LTBP1: variants seen among roughly 807,000 people sequenced by gnomAD.
The protein encoded by LTBP1 is latent-transforming growth factor beta-binding protein 1.
LTBP1 carries 129 observed loss-of-function variants against 207.6 expected under a neutral mutation model. The ratio of observed to expected loss-of-function variants is 0.62; its 90% CI spans 0.54 to 0.72. The LOEUF is 0.72. Among genes scored for constraint, LTBP1 ranks in the 30% least tolerant of loss-of-function variants. The pLI is 0.00. For missense variants in LTBP1, 2,281 were observed against 2,217.2 expected, an observed-to-expected ratio of 1.03 and a Z score of -0.58; for synonymous variants, 963 against 833.7, an observed-to-expected ratio of 1.16 and a Z score of -2.67.
intron 3 of LTBP1, among the ~76,000 whole-genome samples, chr2:33,038,512 C>T (rs1306831139): frequency 6.6e-6 from 1 of 152,184 alleles, no homozygotes; most frequent in East Asian, 1.9e-4. Context: ...GCTCTCTGGT[C>T]GTTCCTGGCC....
At chr2:33,222,271 C>A (rs535300083) in intron 9 of LTBP1, 120 bp downstream of exon 9, 1 of 717,932 alleles carries the variant, frequency 1.4e-6, no homozygotes, top group East Asian at 2.6e-5. Flanking sequence ...ACCTCATGTT[C>A]ACTCCTTTTG....
intron 2 of LTBP1, among the ~76,000 whole-genome samples, chr2:32,954,137 C>T (rs1456963387): frequency 1.3e-5 from 2 of 152,154 alleles, no homozygotes; most frequent in African/African-American, 4.8e-5. Context: ...TTCCTACTGC[C>T]CTGGGCTTCC....
At chr2:33,361,659 A>G in intron 28 of LTBP1, 144 bp downstream of exon 28, 1 of 542,994 alleles carries the variant, frequency 1.8e-6, no homozygotes, top group South Asian at 3.2e-5. Flanking sequence ...CCATTAAAAG[A>G]AAGTCCCCAT....
At chr2:33,202,803 G>A (rs1332919140) in intron 7 of LTBP1, among the ~76,000 whole-genome samples, 1 of 152,206 alleles carries the variant, frequency 6.6e-6, no homozygotes, top group Non-Finnish European at 1.5e-5. Flanking sequence ...GGTGATCTTG[G>A]ACCAGTGCAG....
At chr2:33,329,070 T>C (rs1388501382) in intron 24 of LTBP1, among the ~76,000 whole-genome samples, 1 of 152,180 alleles carries the variant, frequency 6.6e-6, no homozygotes, top group Non-Finnish European at 1.5e-5. Flanking sequence ...ATAAAATGTA[T>C]GTATGTTTCA....
intron 7 of LTBP1, 39 bp from the exon 8 acceptor site, chr2:33,217,513 A>T: frequency 7.1e-7 from 1 of 1,417,240 alleles, no homozygotes; most frequent in Non-Finnish European, 1.0e-6. Context: ...GGCATCCTGC[A>T]CTCAATTAAC....
intron 2 of LTBP1, among the ~76,000 whole-genome samples, chr2:32,963,930 A>G (rs1055251497): frequency 6.6e-6 from 1 of 152,230 alleles, no homozygotes; most frequent in Non-Finnish European, 1.5e-5. Context: ...TGAGAAAGAG[A>G]TTGCAAAATT....
chr2:33,340,041 G>A (rs1381454340), intron 24 of LTBP1, among the ~76,000 whole-genome samples: 1 of 151,978 alleles, frequency 6.6e-6, no homozygotes, highest in East Asian at 1.9e-4. Context: ...TAAGTTCATG[G>A]CAGAAGATCC....
intron 5 of LTBP1, among the ~76,000 whole-genome samples, chr2:33,168,413 A>G (rs1334678490): frequency 2.0e-5 from 3 of 151,598 alleles, no homozygotes; most frequent in Admixed American, 6.6e-5. Flanking sequence ...AAAAAAAAAA[A>G]AAAGAAAAAA....
chr2:33,281,285 A>G (rs143031615), intron 19 of LTBP1, among the ~76,000 whole-genome samples: 9 of 152,252 alleles, frequency 5.9e-5, no homozygotes, highest in East Asian at 1.9e-4. Context: ...CTGTGAGAGC[A>G]TATGGTAGAA....
chr2:33,063,734 A>G (rs992976038), intron 3 of LTBP1, among the ~76,000 whole-genome samples: 1 of 151,874 alleles, frequency 6.6e-6, no homozygotes, highest in East Asian at 1.9e-4. Flanking sequence ...TGCCTTAACA[A>G]TATTTATTTT....
chr2:33,013,386 T>C, intron 2 of LTBP1, among the ~76,000 whole-genome samples: 1 of 152,122 alleles, frequency 6.6e-6, no homozygotes, highest in East Asian at 1.9e-4. Context: ...CTATTTCTGT[T>C]CTTTTTTTCA....
intron 9 of LTBP1, among the ~76,000 whole-genome samples, chr2:33,234,638 C>A (rs2091953617): frequency 6.6e-6 from 1 of 152,130 alleles, no homozygotes; most frequent in Non-Finnish European, 1.5e-5. Context: ...GTGAAAATGG[C>A]CATACTGCCC....
At chr2:33,175,315 A>G (rs1216427215) in intron 5 of LTBP1, among the ~76,000 whole-genome samples, 1 of 151,672 alleles carries the variant, frequency 6.6e-6, no homozygotes, top group African/African-American at 2.4e-5. Flanking sequence ...TTACAAGAAA[A>G]AAACAACCCC....
chr2:33,046,569 A>T (rs925276077), intron 3 of LTBP1, among the ~76,000 whole-genome samples: 1 of 152,086 alleles, frequency 6.6e-6, no homozygotes, highest in Non-Finnish European at 1.5e-5. Flanking sequence ...ATTGGCCTGA[A>T]ATTTTCTTTT....
chr2:33,125,143 A>G (rs1371983349), intron 4 of LTBP1, among the ~76,000 whole-genome samples: 1 of 152,238 alleles, frequency 6.6e-6, no homozygotes, highest in Non-Finnish European at 1.5e-5. Flanking sequence ...TAAGTGTCAT[A>G]TATTTTTCAT....
At chr2:33,191,820 T>A (rs2087921922) in intron 7 of LTBP1, among the ~76,000 whole-genome samples, 2 of 152,228 alleles carry the variant, frequency 1.3e-5, no homozygotes, top group African/African-American at 4.8e-5. Flanking sequence ...TTCAATGCAA[T>A]AGTTACCAAT....
intron 32 of LTBP1, among the ~76,000 whole-genome samples, chr2:33,396,408 G>T (rs1014149149): frequency 5.9e-5 from 9 of 152,114 alleles, no homozygotes; most frequent in African/African-American, 2.2e-4. Context: ...TTTTAGTAGA[G>T]ACAGGGTTTC....
intron 5 of LTBP1, among the ~76,000 whole-genome samples, chr2:33,165,866 A>G (rs2084870242): frequency 6.6e-6 from 1 of 152,198 alleles, no homozygotes; most frequent in African/African-American, 2.4e-5. Flanking sequence ...CTTTATTCCA[A>G]ATGGCTTGTG....
Sources: gnomAD v4.1 joint callset for allele counts (sites outside exome capture counted in the v4.1 genomes callset) on GRCh38, gnomAD v4.1.1 for gene constraint, MANE v1.5 for transcripts, NCBI Gene and HGNC (gene_info 2026-07-23, HGNC 2026-07-21) for gene names.